The following SLC7A11 variants were observed in gnomAD, a reference collection of about 807,000 sequenced individuals.
SLC7A11 encodes the protein solute carrier family 7 member 11.
In SLC7A11, 35 loss-of-function variants were observed where a neutral mutation model predicts 54.5. That is an observed-to-expected ratio of 0.64 (90% CI 0.49 to 0.85). The LOEUF (loss-of-function observed/expected upper bound fraction) is 0.85. Ranked by LOEUF, SLC7A11 falls within the 40% of genes least tolerant of loss-of-function variation. The probability of loss-of-function intolerance (pLI) is 0.00; values close to 1 mark genes in which losing one functional copy is unlikely to be tolerated. For missense variants in SLC7A11, 583 were observed against 618.1 expected (o/e 0.94, Z 0.60); for synonymous variants, 230 against 225.2 (o/e 1.02, Z -0.19).
At chr4:138,239,155 G>T (rs949101145) in intron 1 of SLC7A11, among the ~76,000 whole-genome samples, 3 of 152,102 alleles carry the variant, frequency 2.0e-5, no homozygotes, top group African/African-American at 4.8e-5. Context: ...GTCCAGAAAA[G>T]GATCCAATAT....
chr4:138,206,872 G>A (rs1025826387), intron 6 of SLC7A11, among the ~76,000 whole-genome samples: 2 of 151,608 alleles, frequency 1.3e-5, no homozygotes, highest in African/African-American at 2.4e-5. Flanking sequence ...TCTTCTCTGT[G>A]ACATCTGGCC....
rs184022139 is a variant in SLC7A11 at position 138,179,792 on chromosome 4, C to T, written c.1267-398G>A. 8.1e-3 allele frequency among the ~76,000 whole-genome samples: 1,230 copies of T among 152,112 alleles called. 6 individuals carry two copies. The highest frequency in any genetic ancestry group is 0.011 in the Non-Finnish European group (718 of 67,988). ...CACTTTAATGTGGAGTCAAGAGCAC[C>T]GGCTGCTTGTTACATGTTAAAGTCT... is the stretch of plus-strand genomic sequence containing the variant. On this transcript the variant is annotated intron_variant, in intron 10 of 11. Coordinates refer to ENST00000280612, the MANE Select transcript of SLC7A11 (RefSeq NM_014331.4).
intron 5 of SLC7A11, among the ~76,000 whole-genome samples, chr4:138,216,361 A>G (rs1737681070): frequency 1.3e-5 from 2 of 152,168 alleles, no homozygotes; most frequent in South Asian, 4.1e-4. Context: ...AAAAGACACT[A>G]AAAACGATTT....
At chr4:138,180,544 C>T in intron 10 of SLC7A11, 97 bp downstream of exon 10, 1 of 1,201,148 alleles carries the variant, frequency 8.3e-7, no homozygotes, top group East Asian at 2.5e-5. Flanking sequence ...ACAGATGCTG[C>T]CCCCAGCCCA....
At chr4:138,236,029 T>A (rs1414302537) in intron 2 of SLC7A11, among the ~76,000 whole-genome samples, 13 of 152,244 alleles carry the variant, frequency 8.5e-5, no homozygotes. Context: ...CATGTTCATA[T>A]TCTTTCAAGT....
rs367662536 is a variant in SLC7A11, at chr4:138,240,565, CA to C, written c.277+1227del. On this transcript the variant is annotated intron_variant, in intron 1 of 11. Coordinates refer to ENST00000280612, the MANE Select transcript of SLC7A11 (RefSeq NM_014331.4). ...CTGGGCAAAGAGCGAGTCTCTGTCT[CA>C]AAAAAAAAAAAAAAATGGAATTTGA... is the stretch of plus-strand genomic sequence containing the variant. Among the ~76,000 whole-genome samples the C allele has an allele frequency of 1.6e-3, 209 of 133,958 alleles. 3 individuals are homozygous for C. Among genetic ancestry groups the C allele is most frequent in the African/African-American group, 5.5e-3 (196 of 35,690 alleles). 87.9% of individuals were successfully genotyped at this position (133,958 alleles called of 152,430 possible). A position where few individuals can be genotyped will look rare whatever the true frequency, so the allele number is the denominator to read the frequency against.
intron 3 of SLC7A11, among the ~76,000 whole-genome samples, chr4:138,231,997 G>T (rs567168514): frequency 2.0e-5 from 3 of 152,022 alleles, no homozygotes; most frequent in African/African-American, 4.8e-5. Flanking sequence ...TAAAAGTCTT[G>T]TTCATGTATA....
chr4:138,227,588 G>T (rs1461316646), intron 3 of SLC7A11, among the ~76,000 whole-genome samples: 2 of 152,142 alleles, frequency 1.3e-5, no homozygotes, highest in Non-Finnish European at 2.9e-5. Context: ...TGAGACTCAA[G>T]ATATTGTTTA....
intron 6 of SLC7A11, among the ~76,000 whole-genome samples, chr4:138,192,609 T>C (rs986651861): frequency 1.3e-5 from 2 of 152,172 alleles, no homozygotes; most frequent in Non-Finnish European, 2.9e-5. Context: ...TTAATTAGTC[T>C]ATACAAGACT....
chr4:138,223,380 T>A lies in SLC7A11; in HGVS notation c.521-56A>T, dbSNP rs1737863833. The A allele has an allele frequency of 3.8e-6, 6 of 1,589,484 alleles. No homozygotes were observed. In the East Asian group the frequency reaches 1.4e-4, roughly 36 times the overall value. The stretch of plus-strand genomic sequence containing the variant: ...TGAATTCTCACTGGCACAAAGACAT[T>A]TTAGGTCCTTGTTACTCAAAGGGCA... On this transcript the variant is annotated intron_variant, in intron 3 of 11. Transcript: ENST00000280612.
At position 138,202,618 on chromosome 4, in the gene SLC7A11, T is replaced by C. The variant is rs144492986; in HGVS notation, c.791+11967A>G. Among the ~76,000 whole-genome samples, 432 of 152,202 alleles carry C rather than the reference T, an allele frequency of 2.8e-3. 3 individuals carry two copies. Among genetic ancestry groups the C allele is most frequent in the African/African-American group, 9.7e-3 (403 of 41,548 alleles). ...CCCTTCAGCCATGCTCCCATAGTCA[T>C]GTACTCTCCTTGTCAAACTAGGTAC... On this transcript the variant is annotated intron_variant, in intron 6 of 11. Transcript: ENST00000280612.
At chr4:138,179,648 G>A (rs1378570312) in intron 10 of SLC7A11, among the ~76,000 whole-genome samples, 3 of 151,986 alleles carry the variant, frequency 2.0e-5, no homozygotes, top group African/African-American at 7.2e-5. Context: ...AAACTCTAAG[G>A]ACAAAAATGG....
chr4:138,231,578 C>A (rs1738080900), intron 3 of SLC7A11, among the ~76,000 whole-genome samples: 1 of 152,034 alleles, frequency 6.6e-6, no homozygotes, highest in African/African-American at 2.4e-5. Context: ...TATCCTTTCC[C>A]ATATTTAAGG....
At chr4:138,193,583 G>A (rs184310373) in intron 6 of SLC7A11, among the ~76,000 whole-genome samples, 1 of 152,230 alleles carries the variant, frequency 6.6e-6, no homozygotes, top group African/African-American at 2.4e-5. Flanking sequence ...GGGTGGACCT[G>A]AGGTCAGGAG....
At chr4:138,189,484 G>A (rs1311237129) in intron 6 of SLC7A11, among the ~76,000 whole-genome samples, 6 of 152,208 alleles carry the variant, frequency 3.9e-5, no homozygotes, top group African/African-American at 9.6e-5. Context: ...AGTTCCACAC[G>A]CATGGTATAT....
At chr4:138,208,356 C>A (rs551887892) in intron 6 of SLC7A11, among the ~76,000 whole-genome samples, 1 of 152,034 alleles carries the variant, frequency 6.6e-6, no homozygotes, top group African/African-American at 2.4e-5. Context: ...GGCTAATAGA[C>A]AAAGTGGCTA....
At chr4:138,230,413 T>TAAAAA (rs5862372) in intron 3 of SLC7A11, among the ~76,000 whole-genome samples, 1 of 141,430 alleles carries the variant, frequency 7.1e-6, no homozygotes, top group Non-Finnish European at 1.5e-5. Flanking sequence ...AAATGAAAGC[T>TAAAAA]AAAAAAAAAA....
intron 11 of SLC7A11, among the ~76,000 whole-genome samples, chr4:138,178,842 G>A (rs1487756450): frequency 2.6e-5 from 4 of 151,998 alleles, no homozygotes; most frequent in South Asian, 4.1e-4. Flanking sequence ...AACAAATCTC[G>A]TGTCACTCAT....
chr4:138,199,321 T>G (rs1199396361), intron 6 of SLC7A11, among the ~76,000 whole-genome samples: 1 of 152,108 alleles, frequency 6.6e-6, no homozygotes, highest in African/African-American at 2.4e-5. Context: ...GTTTATCTAT[T>G]ATTATTAAAA....
Sources: allele counts gnomAD v4.1 joint callset (sites outside exome capture counted in the v4.1 genomes callset), GRCh38; gene constraint gnomAD v4.1.1; transcripts MANE v1.5; gene names NCBI Gene and HGNC (gene_info 2026-07-23, HGNC 2026-07-21).